DDX54: variants seen among roughly 807,000 people sequenced by gnomAD.
The protein encoded by DDX54 is DEAD-box helicase 54.
DDX54 carries 67 observed loss-of-function variants against 105.5 expected under a neutral mutation model. The ratio of observed to expected loss-of-function variants is 0.64; its 90% CI spans 0.52 to 0.78. DDX54 has a LOEUF of 0.78. DDX54 is among the 30% of genes least tolerant of loss of function. The pLI is 0.00. For missense variants in DDX54, 1,206 were observed against 1,230.5 expected (o/e 0.98, Z 0.30); for synonymous variants, 514 against 509.9 (o/e 1.01, Z -0.11).
rs186802502 is a variant in DDX54, at chr12:113,184,270, C to G, written c.174+1008G>C. Among the ~76,000 whole-genome samples the G allele has an allele frequency of 8.6e-5, 13 of 151,930 alleles. No individual in the cohort carries two copies. In the East Asian group the frequency reaches 2.5e-3, roughly 30 times the overall value. ...CTAATTTTTTAATTTTTTGTAGAGACGGGGTCTGCCTATGTTGCCCAGGCT... is the reference window on the plus strand; with the variant it reads ...CTAATTTTTTAATTTTTTGTAGAGAGGGGGTCTGCCTATGTTGCCCAGGCT... On this transcript the variant is annotated intron_variant, in intron 1 of 19. Transcript: ENST00000306014.
chr12:113,176,572 T>C (rs771501322), intron 7 of DDX54, among the ~76,000 whole-genome samples: 2 of 152,112 alleles, frequency 1.3e-5, no homozygotes, highest in African/African-American at 2.4e-5. Context: ...ATCTCATAAA[T>C]AAATAAATAA....
Position 113,164,229 on chromosome 12 carries a change from G to A in DDX54, c.1776C>T (p.Ala592=). 1.3e-6 allele frequency: 2 copies of A among 1,593,118 alleles called. No homozygotes were observed. The highest frequency in any genetic ancestry group is 1.7e-6 in the Non-Finnish European group (2 of 1,170,850). Residue 592 remains alanine, a synonymous_variant, in exon 15 of 20, where the codon GCC becomes GCT. Transcript: ENST00000306014. ...TGGCCTTGCGGTCCTTCTGCCGCTTGGCGCGCATCACCTGGCTGCACAGGT... is the reference window on the plus strand; with the variant it reads ...TGGCCTTGCGGTCCTTCTGCCGCTTAGCGCGCATCACCTGGCTGCACAGGT... The part of the protein sequence containing the change: ...SRDLCSQVMR[A]KRQKDRKAIA...
chr12:113,178,905 G>T, intron 5 of DDX54, 72 bp downstream of exon 5: 2 of 1,573,462 alleles, frequency 1.3e-6, no homozygotes, highest in South Asian at 2.3e-5. Flanking sequence ...AGCTTAAATC[G>T]AACTAATGTC....
At chr12:113,165,102 T>C (rs1410506643) in intron 14 of DDX54, among the ~76,000 whole-genome samples, 1 of 152,216 alleles carries the variant, frequency 6.6e-6, no homozygotes, top group Admixed American at 6.5e-5. Context: ...GCATAGCTTG[T>C]CAACCCAAGT....
At position 113,179,372 on chromosome 12, in the gene DDX54, C is replaced by T. The variant is rs761535467; in HGVS notation, c.376-41G>A. On this transcript the variant is annotated intron_variant, in intron 3 of 19. Coordinates refer to ENST00000306014, the MANE Select transcript of DDX54 (RefSeq NM_024072.4). ...CAGGGAAGTCAAGGTCAGCTCCTCC[C>T]CAAACACCATGTGATCCAGAGCTTC... 2.6e-5 allele frequency: 41 copies of T among 1,597,452 alleles called. No individual in the cohort carries two copies. In the South Asian group the frequency reaches 4.6e-4, roughly 18 times the overall value.
Position 113,158,888 on chromosome 12 carries a change from T to C in DDX54, c.2635A>G (p.Lys879Glu). The C allele has an allele frequency of 6.2e-7, 1 of 1,602,482 alleles. No individual in the cohort carries two copies. Among genetic ancestry groups the C allele is most frequent in the Non-Finnish European group, 8.5e-7 (1 of 1,171,736 alleles). ...GARSKKGKMRKRM is the reference protein window; with the variant it reads ...GARSKKGKMRERM The stretch of plus-strand genomic sequence containing the variant: ...CTGGGTCCTGGTCCTCACATCCTCT[T>C]CCGCATCTTGCCCTTCTTGGAGCGG... Residue 879 changes from lysine (K) to glutamate (E), a missense_variant, in exon 20 of 20, where the codon AAG becomes GAG. Lys to Glu is a moderately conservative substitution (Grantham distance 56). This residue lies in a region of DDX54 where 961 missense variants were observed against 1,019.1 expected (regional missense o/e 0.94). Coordinates refer to ENST00000306014, the MANE Select transcript of DDX54 (RefSeq NM_024072.4). The surrounding 1 kb of genome is among the most constrained non-coding windows in gnomAD (Gnocchi z 4.9).
rs141072780 is a variant in DDX54 at position 113,179,980 on chromosome 12, G to A, written c.330C>T (p.Gly110=). 1.2e-6 allele frequency: 2 copies of A among 1,614,094 alleles called. No homozygotes were observed. Among genetic ancestry groups the A allele is most frequent in the African/African-American group, 1.3e-5 (1 of 74,996 alleles). ...SMGLSYPVFK[G]IMKKGYKVPT... ...GCACCTTGTACCCCTTCTTCATGAT[G>A]CCTTTGAACACCGGGTAGCTCAGGC... The change falls in exon 3 of 20, where the codon GGC becomes GGT. Residue 110 remains glycine, a synonymous_variant. Transcript: ENST00000306014.
intron 4 of DDX54, 23 bp downstream of exon 4, chr12:113,179,120 C>A (rs770477074): frequency 6.2e-7 from 1 of 1,613,544 alleles, no homozygotes; most frequent in African/African-American, 1.3e-5. Context: ...TTGCCTCCAG[C>A]CTCTAGCCAA....
At chr12:113,182,783 C>G (rs1471099929) in intron 1 of DDX54, among the ~76,000 whole-genome samples, 1 of 152,058 alleles carries the variant, frequency 6.6e-6, no homozygotes, top group Admixed American at 6.6e-5. Flanking sequence ...TCTCAAACTC[C>G]CGACCTCAAG....
chr12:113,173,748 A>C (rs1236109292), intron 10 of DDX54, among the ~76,000 whole-genome samples: 1 of 152,236 alleles, frequency 6.6e-6, no homozygotes, highest in Non-Finnish European at 1.5e-5. Context: ...GACAGGCTTC[A>C]AAATAACCCG....
At chr12:113,159,234 G>A in intron 19 of DDX54, 125 bp from the exon 20 acceptor site, 1 of 1,079,820 alleles carries the variant, frequency 9.3e-7, no homozygotes, top group Non-Finnish European at 1.3e-6. Flanking sequence ...GTGGCCCAGT[G>A]TCTGTACACA....
At chr12:113,167,997 C>T (rs750654976) in intron 12 of DDX54, 2 of 491,398 alleles carry the variant, frequency 4.1e-6, no homozygotes, top group Non-Finnish European at 4.0e-6. Flanking sequence ...CAGGAAAATG[C>T]TTTGAAATGC....
At position 113,174,620 on chromosome 12, in the gene DDX54, C is replaced by T; in HGVS notation, c.1068+20G>A. On this transcript the variant is annotated intron_variant, in intron 10 of 19. Transcript: ENST00000306014. ...ACTCCAGCTGAAGGAGGTGCTCCTC[C>T]CACTCAGGACCCTGCTCACCTCAGT... 1 of 1,606,192 alleles carries T rather than the reference C, an allele frequency of 6.2e-7. No homozygotes were observed. The highest frequency in any genetic ancestry group is 8.5e-7 in the Non-Finnish European group (1 of 1,173,764).
chr12:113,177,245 C>G lies in DDX54; in HGVS notation c.615-152G>C, dbSNP rs1952415146. 5.2e-6 allele frequency: 4 copies of G among 772,944 alleles called. No individual in the cohort carries two copies. In the Admixed American group the frequency reaches 8.5e-5, roughly 16 times the overall value. The allele number at this position is 772,944 out of a possible 1,614,324, so 47.9% of individuals were successfully genotyped here. On this transcript the variant is annotated intron_variant, in intron 5 of 19. Coordinates refer to ENST00000306014, the MANE Select transcript of DDX54 (RefSeq NM_024072.4). ...GAAAGGCCAGTGCTGAGGTATGAGGCAAAGGCATTGCCCTGACAAGAGATA... is the reference window on the plus strand; with the variant it reads ...GAAAGGCCAGTGCTGAGGTATGAGGGAAAGGCATTGCCCTGACAAGAGATA...
rs551589253 is a variant in DDX54, at chr12:113,158,951, C to T, written c.2572G>A (p.Val858Ile). Residue 858 changes from valine (V) to isoleucine (I), a missense_variant, in exon 20 of 20, where the codon GTC becomes ATC. By Grantham distance (29) the Val-to-Ile change is conservative (BLOSUM62 3). Around this residue, in one of 3 missense-constraint regions of DDX54, gnomAD observed 961 missense variants for 1,019.1 expected, o/e 0.94. Transcript: ENST00000306014. The surrounding 1 kb of genome is among the most constrained non-coding windows in gnomAD (Gnocchi z 4.9). ...AAGGCGCCCTGCTGCAGCTCCTGGACGCGGCGGCGGTTGCGGGCAGAGAGC... is the reference window on the plus strand; with the variant it reads ...AAGGCGCCCTGCTGCAGCTCCTGGATGCGGCGGCGGTTGCGGGCAGAGAGC... Reference protein sequence around the residue: ...KQLSARNRRRVQELQQGAFGR... With the variant: ...KQLSARNRRRIQELQQGAFGR... 3.0e-5 allele frequency: 48 copies of T among 1,611,490 alleles called. 1 individual carries two copies. The South Asian group carries it at 4.2e-4, about 14-fold the overall frequency.
rs373425187 is a variant in DDX54, at chr12:113,178,971, C to T, written c.614+6G>A. The T allele has an allele frequency of 1.5e-5, 24 of 1,613,864 alleles. No individual in the cohort carries two copies. The highest frequency in any genetic ancestry group is 1.9e-5 in the Non-Finnish European group (23 of 1,179,944). ...GTGACCCTGGCATGGGGTGCAGGGA[C>T]CTTACCTGTCTCCACCCAGGATCAG... On this transcript the variant is annotated splice_donor_region_variant and intron_variant, in intron 5 of 19. Coordinates refer to ENST00000306014, the MANE Select transcript of DDX54 (RefSeq NM_024072.4).
chr12:113,178,224 G>A (rs557570233), intron 5 of DDX54, among the ~76,000 whole-genome samples: 3 of 152,256 alleles, frequency 2.0e-5, no homozygotes, highest in African/African-American at 2.4e-5. Flanking sequence ...GTGACAGAGC[G>A]AGACCCTGTC....
At chr12:113,162,890 A>G in intron 17 of DDX54, 42 bp downstream of exon 17, 4 of 1,519,108 alleles carry the variant, frequency 2.6e-6, no homozygotes, top group Non-Finnish European at 3.5e-6. Context: ...TCACTCGGTC[A>G]CTCACCCCGA....
Position 113,163,282 on chromosome 12 carries a change from A to G in DDX54, c.1939-8T>C, listed in dbSNP as rs1952232956. ...GACCTCTGAGAAAATGTCCTGGCAGAGCACAGACCAAGGCCCAGTGTCATG... is the reference window on the plus strand; with the variant it reads ...GACCTCTGAGAAAATGTCCTGGCAGGGCACAGACCAAGGCCCAGTGTCATG... On this transcript the variant is annotated splice_polypyrimidine_tract_variant and splice_region_variant and intron_variant, in intron 15 of 19. Transcript: ENST00000306014. This position sits in a 1 kb window ranked among gnomAD's most constrained non-coding sequence, Gnocchi z 5.9. 7 of 1,588,656 alleles carry G rather than the reference A, an allele frequency of 4.4e-6. No homozygotes were observed. The South Asian group carries it at 7.7e-5, about 17-fold the overall frequency.
Sources: gnomAD v4.1 joint callset for allele counts (sites outside exome capture counted in the v4.1 genomes callset) on GRCh38, gnomAD v4.1.1 for gene constraint, gnomAD v4.1.1 regional missense constraint, Gnocchi (gnomAD v3.1) non-coding constraint, MANE v1.5 for transcripts, NCBI Gene and HGNC (gene_info 2026-07-23, HGNC 2026-07-21) for gene names.